Variants in AP2A2 observed in about 807,000 individuals in gnomAD.
AP2A2 encodes the protein AP-2 complex subunit alpha-2.
Under a neutral mutation model 104.2 loss-of-function variants are expected in AP2A2, and 32 were observed. That is an observed-to-expected ratio of 0.31 (90% CI 0.23 to 0.41). The LOEUF is 0.41. Ranked by LOEUF, AP2A2 falls within the 10% of genes least tolerant of loss-of-function variation. The pLI is 1.00. For synonymous variants in AP2A2, 539 were observed against 533.3 expected, an observed-to-expected ratio of 1.01 and a Z score of -0.15; for missense variants, 912 against 1,261.0, an observed-to-expected ratio of 0.72 and a Z score of 4.19.
rs60150128 is a variant in AP2A2 at position 979,845 on chromosome 11, C to G, written c.604-1353C>G. ...GCCTCCCAAAGTGCTGGGATTACAG[C>G]ATAAGCCACCGTGCCCACGCAAGTA... On this transcript the variant is annotated intron_variant, in intron 5 of 21. Transcript: ENST00000448903. Among the ~76,000 whole-genome samples the G allele has an allele frequency of 3.0e-3, 456 of 152,324 alleles. 1 individual carries two copies. The highest frequency in any genetic ancestry group is 0.01 in the African/African-American group (429 of 41,564).
chr11:930,085 C>T lies in AP2A2; in HGVS notation c.67+3997C>T, dbSNP rs554094303. Among the ~76,000 whole-genome samples, 62 of 145,306 alleles carry T rather than the reference C, an allele frequency of 4.3e-4. No individual in the cohort carries two copies. In the South Asian group the frequency reaches 0.013, roughly 31 times the overall value. On this transcript the variant is annotated intron_variant, in intron 1 of 21. Coordinates refer to ENST00000448903, the MANE Select transcript of AP2A2 (RefSeq NM_012305.4). Reference sequence around the variant, plus strand: ...GCAGTGAGCTGAGATTGTGCCATTGCACTCCAGCCTGGGTGACAGAGCGAG... The same window carrying T: ...GCAGTGAGCTGAGATTGTGCCATTGTACTCCAGCCTGGGTGACAGAGCGAG...
rs779415808 is a variant in AP2A2, at chr11:992,108, A to G, written c.1270-395A>G. On this transcript the variant is annotated intron_variant, in intron 10 of 21. Coordinates refer to ENST00000448903, the MANE Select transcript of AP2A2 (RefSeq NM_012305.4). The surrounding 1 kb of genome is among the most constrained non-coding windows in gnomAD (Gnocchi z 6.4). Reference sequence around the variant, plus strand: ...GGCCGCCGGGAGCCCAGGGTGGCGCAGTCACTGGCCGCCGGGAGCCCAGGG... The same window carrying G: ...GGCCGCCGGGAGCCCAGGGTGGCGCGGTCACTGGCCGCCGGGAGCCCAGGG... Among the ~76,000 whole-genome samples, 2 of 151,790 alleles carry G rather than the reference A, an allele frequency of 1.3e-5. No homozygotes were observed. The highest frequency in any genetic ancestry group is 2.9e-5 in the Non-Finnish European group (2 of 67,926).
At chr11:988,957 T>C (rs1244030085) in intron 10 of AP2A2, 1 of 497,810 alleles carries the variant, frequency 2.0e-6, no homozygotes, top group Non-Finnish European at 3.7e-6. Flanking sequence ...ATCATGTCAC[T>C]GCACTCTAGC....
At chr11:1,008,240 G>A (rs1239040543) in intron 18 of AP2A2, 105 bp downstream of exon 18, 15 of 1,418,838 alleles carry the variant, frequency 1.1e-5, no homozygotes, top group Non-Finnish European at 1.4e-5. Context: ...GGGACCCGGG[G>A]CGTGCGGGTG....
Position 1,011,773 on chromosome 11 carries a change from C to CA in AP2A2, c.*1149dup. The CA allele has an allele frequency of 3.2e-6, 1 of 315,306 alleles. No individual in the cohort carries two copies. Among genetic ancestry groups the CA allele is most frequent in the Non-Finnish European group, 6.3e-6 (1 of 159,968 alleles). The allele number at this position is 315,306 out of a possible 1,614,324, so 19.5% of individuals were successfully genotyped here. Reference sequence around the variant, plus strand: ...GTGGCCACATGTGCTTGAGGGTTTTCACCCTGGCCCTCAGTTGCCTGCTGT... The same window carrying CA: ...GTGGCCACATGTGCTTGAGGGTTTTCAACCCTGGCCCTCAGTTGCCTGCTGT... On this transcript the variant is annotated 3_prime_UTR_variant, in exon 22 of 22. Coordinates refer to ENST00000448903, the MANE Select transcript of AP2A2 (RefSeq NM_012305.4).
chr11:942,380 G>C (rs1489894665), intron 1 of AP2A2: 2 of 152,204 alleles, frequency 1.3e-5, no homozygotes, highest in Non-Finnish European at 1.5e-5. Context: ...CCCATTCAAG[G>C]GAATGAACGG....
intron 2 of AP2A2, 40 bp from the exon 3 acceptor site, chr11:970,129 G>T (rs759252330): frequency 6.2e-7 from 1 of 1,607,534 alleles, no homozygotes; most frequent in South Asian, 1.1e-5. Flanking sequence ...CCCTGCCTCT[G>T]CCCGCCTGGA....
At chr11:985,616 G>C (rs200910477) in intron 8 of AP2A2, 34 bp downstream of exon 8, 39 of 1,612,420 alleles carry the variant, frequency 2.4e-5, no homozygotes, top group Non-Finnish European at 3.2e-5. Flanking sequence ...GCTTCGTCTC[G>C]CGCACACACA....
rs771801705 is a variant in AP2A2 at position 994,180 on chromosome 11, A to C, written c.1891A>C (p.Lys631Gln). 1.5e-5 allele frequency: 24 copies of C among 1,612,934 alleles called. No individual in the cohort carries two copies. The highest frequency in any genetic ancestry group is 1.9e-5 in the Non-Finnish European group (23 of 1,179,862). The part of the protein sequence containing the change: ...PSTVTDLEDT[K>Q]RDRSVDVNGG... Reference sequence around the variant, plus strand: ...CACGGTGACAGACCTGGAGGACACCAAGCGGGACAGGAGTGTGGACGTGAA... The same window carrying C: ...CACGGTGACAGACCTGGAGGACACCCAGCGGGACAGGAGTGTGGACGTGAA... Residue 631 changes from lysine to glutamine, a missense_variant, in exon 14 of 22, where the codon AAG (lysine) becomes CAG (glutamine). By Grantham distance (53) the Lys-to-Gln change is moderately conservative. Around this residue, in one of 7 missense-constraint regions of AP2A2, gnomAD observed 105 missense variants for 90.9 expected, o/e 1.16. Transcript: ENST00000448903.
chr11:1,000,503 C>G lies in AP2A2; in HGVS notation c.2028C>G (p.Pro676=). The G allele has an allele frequency of 6.5e-7, 1 of 1,540,484 alleles. No homozygotes were observed. The highest frequency in any genetic ancestry group is 8.7e-7 in the Non-Finnish European group (1 of 1,147,642). The change falls in exon 15 of 22, where the codon CCC becomes CCG. Residue 676 remains proline (P), a synonymous_variant. Transcript: ENST00000448903. ...AAPPAPAGPP[P]SSGGSGLLVD... ...CCCCTGCCCCCGCGGGCCCCCCACC[C>G]TCCTCCGGCGGCAGCGGGCTGCTCG... is the stretch of plus-strand genomic sequence containing the variant.
chr11:1,003,625 T>C (rs1856100583), intron 15 of AP2A2, 97 bp from the exon 16 acceptor site: 1 of 699,476 alleles, frequency 1.4e-6, no homozygotes, highest in Non-Finnish European at 2.3e-6. Context: ...TAGAGGTTTT[T>C]CTGGCCTCCT....
chr11:1,000,226 T>G (rs2133768061), intron 14 of AP2A2, among the ~76,000 whole-genome samples: 1 of 152,240 alleles, frequency 6.6e-6, no homozygotes, highest in East Asian at 1.9e-4. Flanking sequence ...CAGTTATCTT[T>G]AGGCTGGAGT....
chr11:1,000,878 C>G (rs138421741), intron 15 of AP2A2, among the ~76,000 whole-genome samples: 2 of 152,174 alleles, frequency 1.3e-5, no homozygotes, highest in Non-Finnish European at 2.9e-5. Context: ...CCTGTCTGCA[C>G]GGTGATGTCC....
At chr11:948,637 C>G (rs545820419) in intron 1 of AP2A2, 1 of 149,532 alleles carries the variant, frequency 6.7e-6, no homozygotes, top group Non-Finnish European at 1.5e-5. Flanking sequence ...GAGTCTGAGG[C>G]ACTCGGATCA....
At chr11:938,541 C>G (rs182197224) in intron 1 of AP2A2, among the ~76,000 whole-genome samples, 2 of 150,656 alleles carry the variant, frequency 1.3e-5, no homozygotes, top group African/African-American at 4.9e-5. Context: ...GTGGCGCGAT[C>G]TTGGCTCACT....
intron 14 of AP2A2, among the ~76,000 whole-genome samples, chr11:994,967 G>A (rs1855802761): frequency 7.1e-6 from 1 of 140,158 alleles, no homozygotes; most frequent in Non-Finnish European, 1.6e-5. Flanking sequence ...GCTTGTCCCG[G>A]GGGCCACTGT....
chr11:983,311 C>G (rs886986121), intron 6 of AP2A2, among the ~76,000 whole-genome samples: 9 of 152,152 alleles, frequency 5.9e-5, no homozygotes, highest in African/African-American at 2.2e-4. Context: ...AGGCATGAGA[C>G]ACCGCACCTG....
chr11:979,549 T>G (rs987286213), intron 5 of AP2A2, among the ~76,000 whole-genome samples: 69 of 152,230 alleles, frequency 4.5e-4, no homozygotes, highest in Non-Finnish European at 5.0e-4. Flanking sequence ...GTGGGGGGAT[T>G]GCATCAGTCA....
intron 1 of AP2A2, among the ~76,000 whole-genome samples, chr11:940,018 C>G (rs1057049614): frequency 1.4e-5 from 2 of 143,754 alleles, no homozygotes; most frequent in Non-Finnish European, 3.0e-5. Context: ...TGCAGTGGCG[C>G]GATCTCGGCT....
Sources: gnomAD v4.1 joint callset for allele counts (sites outside exome capture counted in the v4.1 genomes callset) on GRCh38, gnomAD v4.1.1 for gene constraint, gnomAD v4.1.1 regional missense constraint, Gnocchi (gnomAD v3.1) non-coding constraint, MANE v1.5 for transcripts, NCBI Gene and HGNC (gene_info 2026-07-23, HGNC 2026-07-21) for gene names.